The following GPA33 variants were observed in gnomAD, a reference collection of about 807,000 sequenced individuals.
GPA33 encodes the protein glycoprotein A33.
Under a neutral mutation model 35.6 loss-of-function variants are expected in GPA33, and 27 were observed. The ratio of observed to expected loss-of-function variants is 0.76; its 90% CI spans 0.56 to 1.04. The LOEUF (loss-of-function observed/expected upper bound fraction) is 1.04, where lower values mean the gene tolerates loss of function less well. Ranked by LOEUF, GPA33 falls within the 50% of genes least tolerant of loss-of-function variation. The pLI is 0.00. For missense variants in GPA33, 428 were observed against 411.9 expected (o/e 1.04, Z -0.34); for synonymous variants, 176 against 164.0 (o/e 1.07, Z -0.56).
intron 1 of GPA33, among the ~76,000 whole-genome samples, chr1:167,074,824 C>T (rs992231685): frequency 6.6e-6 from 1 of 151,064 alleles, no homozygotes; most frequent in Non-Finnish European, 1.5e-5. Context: ...CAATGTAGCC[C>T]TTATTTAGGA....
intron 1 of GPA33, among the ~76,000 whole-genome samples, chr1:167,074,141 C>T (rs1666777771): frequency 6.6e-6 from 1 of 150,846 alleles, no homozygotes; most frequent in Non-Finnish European, 1.5e-5. Context: ...AGAATGTGGC[C>T]ACACTAGCAT....
intron 2 of GPA33, among the ~76,000 whole-genome samples, chr1:167,071,658 G>A (rs1037762734): frequency 6.6e-6 from 1 of 152,136 alleles, no homozygotes; most frequent in Admixed American, 6.5e-5. Context: ...ATGGATACCG[G>A]TCCTTCCCAA....
At chr1:167,069,540 G>A (rs925354783) in intron 2 of GPA33, among the ~76,000 whole-genome samples, 6 of 152,142 alleles carry the variant, frequency 3.9e-5, no homozygotes, top group Non-Finnish European at 8.8e-5. Context: ...GCATGATGCT[G>A]GGCAGCCAGC....
chr1:167,075,282 G>A (rs1324732856), intron 1 of GPA33, among the ~76,000 whole-genome samples: 3 of 152,130 alleles, frequency 2.0e-5, no homozygotes, highest in Non-Finnish European at 4.4e-5. Flanking sequence ...ATGGAAGCAA[G>A]GAAATCAGGC....
intron 1 of GPA33, among the ~76,000 whole-genome samples, chr1:167,082,930 C>T (rs574703147): frequency 6.6e-5 from 10 of 152,058 alleles, no homozygotes; most frequent in East Asian, 1.9e-4. Context: ...CCAAGCTTGA[C>T]GGTTGGTGCC....
intron 2 of GPA33, among the ~76,000 whole-genome samples, chr1:167,071,956 A>T: frequency 6.6e-6 from 1 of 152,196 alleles, no homozygotes; most frequent in East Asian, 1.9e-4. Flanking sequence ...TCAGGCAGAG[A>T]CCTCAAGTCT....
intron 1 of GPA33, among the ~76,000 whole-genome samples, chr1:167,081,602 A>G (rs1271984876): frequency 6.6e-6 from 1 of 152,254 alleles, no homozygotes; most frequent in East Asian, 1.9e-4. Context: ...GTCCTAGTTT[A>G]GTGCAAGGCA....
At chr1:167,063,476 C>A in intron 4 of GPA33, 106 bp downstream of exon 4, 1 of 939,150 alleles carries the variant, frequency 1.1e-6, no homozygotes, top group South Asian at 1.7e-5. Flanking sequence ...AAGCAAGCGG[C>A]CTTCAGGGGG....
intron 1 of GPA33, among the ~76,000 whole-genome samples, chr1:167,088,149 A>T (rs1667090867): frequency 6.6e-6 from 1 of 152,126 alleles, no homozygotes. Flanking sequence ...AAGAGAAAGA[A>T]GAGAAAAGCC....
chr1:167,090,316 A>T lies in GPA33; in HGVS notation c.-29T>A. 2 of 1,602,298 alleles carry T rather than the reference A, an allele frequency of 1.2e-6. No individual in the cohort carries two copies. The highest frequency in any genetic ancestry group is 1.7e-6 in the Non-Finnish European group (2 of 1,169,454). On this transcript the variant is annotated 5_prime_UTR_variant, in exon 1 of 7. Transcript: ENST00000367868. Reference sequence around the variant, plus strand: ...CTTGCTTCTTCTCTGCCCTAAACCTAACCTGTCACTGGCAGCCTCCAGACA... The same window carrying T: ...CTTGCTTCTTCTCTGCCCTAAACCTTACCTGTCACTGGCAGCCTCCAGACA...
chr1:167,088,364 A>G (rs12037793), intron 1 of GPA33, among the ~76,000 whole-genome samples: 28,096 of 152,034 alleles, frequency 0.18, 2,904 homozygotes, highest in Non-Finnish European at 0.23. Flanking sequence ...TGGCTATTTC[A>G]CTATTTGGTA....
rs1471103041 is a variant in GPA33, at chr1:167,055,977, TG to T, written c.572-129del. On this transcript the variant is annotated intron_variant, in intron 4 of 6. Transcript: ENST00000367868. ...TGAGCTTCTTCAGGCCGGAGCCCCA[TG>T]TCCACCTCCAGGGCTGCAGGACGCT... is the stretch of plus-strand genomic sequence containing the variant. 9 of 877,180 alleles carry T rather than the reference TG, an allele frequency of 1.0e-5. No individual in the cohort carries two copies. In the East Asian group the frequency reaches 2.1e-4, roughly 21 times the overall value. The allele number at this position is 877,180 out of a possible 1,614,324, so 54.3% of individuals were successfully genotyped here. A position where few individuals can be genotyped will look rare whatever the true frequency, so the allele number is the denominator to read the frequency against.
At chr1:167,056,732 ATG>A (rs1558001961) in intron 4 of GPA33, among the ~76,000 whole-genome samples, 84 of 6,024 alleles carry the variant, frequency 0.014, 1 homozygote, top group South Asian at 0.019. Flanking sequence ...TGTGTGATGT[ATG>A]TGGTGTGTGT....
intron 2 of GPA33, among the ~76,000 whole-genome samples, chr1:167,072,100 G>C (rs183813914): frequency 1.3e-5 from 2 of 152,226 alleles, no homozygotes; most frequent in East Asian, 3.9e-4. Context: ...GGCCCATCAT[G>C]GTCCCTTGGT....
chr1:167,055,130 G>A lies in GPA33; in HGVS notation c.692-19C>T. The A allele has an allele frequency of 6.2e-7, 1 of 1,610,784 alleles. No homozygotes were observed. Among genetic ancestry groups the A allele is most frequent in the South Asian group, 1.1e-5 (1 of 91,022 alleles). ...ATGGAGGCTGCAAGAGGACAGAGCAGCTGCACTTGCCGAGCTTCTAAGCTA... is the reference window on the plus strand; with the variant it reads ...ATGGAGGCTGCAAGAGGACAGAGCAACTGCACTTGCCGAGCTTCTAAGCTA... On this transcript the variant is annotated intron_variant, in intron 5 of 6. Coordinates refer to ENST00000367868, the MANE Select transcript of GPA33 (RefSeq NM_005814.3).
intron 1 of GPA33, among the ~76,000 whole-genome samples, chr1:167,074,073 G>A (rs1047628276): frequency 1.3e-5 from 2 of 150,368 alleles, no homozygotes; most frequent in Non-Finnish European, 3.0e-5. Flanking sequence ...TAAAGAGATG[G>A]ACCATATTTT....
At chr1:167,066,516 C>T (rs1259534900) in intron 3 of GPA33, among the ~76,000 whole-genome samples, 1 of 152,230 alleles carries the variant, frequency 6.6e-6, no homozygotes, top group East Asian at 1.9e-4. Flanking sequence ...CCCCTGCTCT[C>T]ACCCTGTCCA....
chr1:167,056,861 GTGTGT>G (rs1475851809), intron 4 of GPA33, among the ~76,000 whole-genome samples: 47 of 60,502 alleles, frequency 7.8e-4, no homozygotes, highest in Non-Finnish European at 9.1e-4. Flanking sequence ...TGTGTGGTGT[GTGTGT>G]GGTGTGTGGT....
intron 4 of GPA33, among the ~76,000 whole-genome samples, chr1:167,056,584 GTGGTATGTGTGTA>G (rs1666263474): frequency 2.3e-4 from 1 of 4,332 alleles, no homozygotes; most frequent in Non-Finnish European, 7.3e-4. Flanking sequence ...TGGCATATGT[GTGGTATGTGTGTA>G]TGTGGTGTGT....
Sources: gnomAD v4.1 joint callset for allele counts (sites outside exome capture counted in the v4.1 genomes callset) on GRCh38, gnomAD v4.1.1 for gene constraint, MANE v1.5 for transcripts, NCBI Gene and HGNC (gene_info 2026-07-23, HGNC 2026-07-21) for gene names.